SLC39A12: variants seen among roughly 807,000 people sequenced by gnomAD.
SLC39A12 encodes the protein zinc transporter ZIP12.
SLC39A12 carries 63 observed loss-of-function variants against 71.1 expected under a neutral mutation model. The ratio of observed to expected loss-of-function variants is 0.89; its 90% CI spans 0.72 to 1.09. The LOEUF (loss-of-function observed/expected upper bound fraction) is 1.09. Ranked by LOEUF, SLC39A12 falls within the 50% of genes least tolerant of loss-of-function variation. SLC39A12 has a pLI of 0.00. For missense variants in SLC39A12, 892 were observed against 812.6 expected, an observed-to-expected ratio of 1.10 and a Z score of -1.19; for synonymous variants, 351 against 301.3, an observed-to-expected ratio of 1.16 and a Z score of -1.71.
At chr10:17,980,399 A>G (rs1835222174) in intron 5 of SLC39A12, among the ~76,000 whole-genome samples, 1 of 152,196 alleles carries the variant, frequency 6.6e-6, no homozygotes, top group African/African-American at 2.4e-5. Context: ...GATTTTTAAA[A>G]CAATACCTTA....
chr10:17,995,517 A>G, intron 9 of SLC39A12, 139 bp from the exon 10 acceptor site: 3 of 697,544 alleles, frequency 4.3e-6, no homozygotes, highest in Non-Finnish European at 7.2e-6. Flanking sequence ...GTGTGTGTCT[A>G]TGAAACCTGA....
intron 2 of SLC39A12, among the ~76,000 whole-genome samples, chr10:17,954,331 G>A (rs183995304): frequency 6.6e-6 from 1 of 152,230 alleles, no homozygotes; most frequent in East Asian, 1.9e-4. Flanking sequence ...TTGGTTCACT[G>A]CAACCTCCAC....
chr10:18,038,282 C>T (rs531601488), intron 12 of SLC39A12, among the ~76,000 whole-genome samples: 87 of 152,098 alleles, frequency 5.7e-4, no homozygotes, highest in South Asian at 1.0e-3. Flanking sequence ...ATAAAAGATG[C>T]ATTCAATTCA....
chr10:17,952,109 T>G (rs1834415064), intron 1 of SLC39A12, 84 bp downstream of exon 1: 2 of 152,230 alleles, frequency 1.3e-5, no homozygotes. Flanking sequence ...GTTGTTGTTG[T>G]TTTTAACTCA....
chr10:17,990,312 A>G (rs1419200700), intron 7 of SLC39A12, among the ~76,000 whole-genome samples: 2 of 152,206 alleles, frequency 1.3e-5, no homozygotes, highest in African/African-American at 2.4e-5. Flanking sequence ...TCACATATAC[A>G]CACGTACATA....
chr10:18,023,922 C>A (rs769902468), intron 12 of SLC39A12, among the ~76,000 whole-genome samples: 1 of 152,148 alleles, frequency 6.6e-6, no homozygotes, highest in African/African-American at 2.4e-5. Flanking sequence ...GGAAGTCTGG[C>A]CACTTTTCCA....
chr10:18,010,949 A>C (rs570677892), intron 12 of SLC39A12, among the ~76,000 whole-genome samples: 1 of 152,284 alleles, frequency 6.6e-6, no homozygotes, highest in East Asian at 1.9e-4. Flanking sequence ...ACTTCTACTT[A>C]ACTAATAGTA....
Position 17,977,922 on chromosome 10 carries a change from A to G in SLC39A12, c.772A>G (p.Thr258Ala), listed in dbSNP as rs1433551879. The G allele has an allele frequency of 1.2e-6, 2 of 1,602,334 alleles. No individual in the cohort carries two copies. Among genetic ancestry groups the G allele is most frequent in the African/African-American group, 1.3e-5 (1 of 74,130 alleles). Residue 258 changes from threonine (T) to alanine (A), a missense_variant, in exon 5 of 13, where the codon ACT (threonine) becomes GCT (alanine). By Grantham distance (58) the Thr-to-Ala change is moderately conservative. Coordinates refer to ENST00000377369, the MANE Select transcript of SLC39A12 (RefSeq NM_001145195.2). ...RLSELDQLLN[T>A]LWTRSTCIKN... ...TCTAGAACTAGACCAACTCCTCAAC[A>G]CTCTCTGGACCAGAAGTACTTGTAT...
intron 4 of SLC39A12, among the ~76,000 whole-genome samples, chr10:17,976,475 T>C (rs1019278368): frequency 1.3e-5 from 2 of 152,224 alleles, no homozygotes; most frequent in Admixed American, 1.3e-4. Flanking sequence ...GGAAGTGCAG[T>C]GGCGCCATCT....
At chr10:17,952,308 A>AGT (rs10561356) in intron 1 of SLC39A12, among the ~76,000 whole-genome samples, 4,467 of 150,398 alleles carry the variant, frequency 0.03, 179 homozygotes, top group African/African-American at 0.093. Context: ...CCACTGAGTG[A>AGT]GTGTGTGTGT....
intron 11 of SLC39A12, chr10:18,002,922 C>A: frequency 2.6e-6 from 1 of 379,400 alleles, no homozygotes; most frequent in Non-Finnish European, 4.7e-6. Flanking sequence ...TGTCACAGAC[C>A]TCTCTGTAGA....
At chr10:18,018,544 G>T (rs895635598) in intron 12 of SLC39A12, among the ~76,000 whole-genome samples, 1 of 152,048 alleles carries the variant, frequency 6.6e-6, no homozygotes, top group Non-Finnish European at 1.5e-5. Flanking sequence ...TCAAGTTGAG[G>T]AAATTACCTT....
intron 12 of SLC39A12, among the ~76,000 whole-genome samples, chr10:18,023,023 C>T (rs1836576995): frequency 6.6e-6 from 1 of 152,152 alleles, no homozygotes; most frequent in Non-Finnish European, 1.5e-5. Flanking sequence ...TGCATCCATG[C>T]CCCTTCTCAG....
intron 2 of SLC39A12, among the ~76,000 whole-genome samples, chr10:17,957,236 C>T (rs1476093542): frequency 6.6e-6 from 1 of 152,126 alleles, no homozygotes; most frequent in African/African-American, 2.4e-5. Flanking sequence ...GAGGCTCTCA[C>T]CTGGCATAGA....
intron 12 of SLC39A12, among the ~76,000 whole-genome samples, chr10:18,017,382 C>G (rs1205528098): frequency 6.6e-6 from 1 of 152,176 alleles, no homozygotes; most frequent in Non-Finnish European, 1.5e-5. Flanking sequence ...GATCTTGGCT[C>G]ACTGCAACCT....
chr10:18,006,279 G>A (rs1222732418), intron 12 of SLC39A12, among the ~76,000 whole-genome samples: 2 of 152,194 alleles, frequency 1.3e-5, no homozygotes, highest in African/African-American at 4.8e-5. Context: ...TTAGCAATGA[G>A]GTCAGCAAAG....
chr10:17,960,270 C>T (rs1202766921), intron 2 of SLC39A12, among the ~76,000 whole-genome samples: 1 of 152,176 alleles, frequency 6.6e-6, no homozygotes, highest in Non-Finnish European at 1.5e-5. Flanking sequence ...AGAATGTTCT[C>T]CTCTTCCTGA....
chr10:18,015,154 G>T (rs944353599), intron 12 of SLC39A12, among the ~76,000 whole-genome samples: 2 of 152,116 alleles, frequency 1.3e-5, no homozygotes, highest in Admixed American at 1.3e-4. Context: ...ATGGATAAAG[G>T]ATTTTACAGA....
In SLC39A12 at chr10:17,981,381, G is replaced by A. The variant is rs62618669; in HGVS notation, c.994G>A (p.Asp332Asn). The A allele has an allele frequency of 2.5e-3, 4,082 of 1,613,692 alleles. 97 individuals carry two copies. The African/African-American group carries it at 0.047, about 19-fold the overall frequency. ...QKGLSLISKEDFKQMSPGIIQ... is the reference protein window; with the variant it reads ...QKGLSLISKENFKQMSPGIIQ... ...GGGCCTCTCACTCATTTCTAAGGAG[G>A]ACTTTAAGCAAATGAGTCCAGGGAT... The change falls in exon 6 of 13, where the codon GAC becomes AAC. Residue 332 changes from aspartate to asparagine, a missense_variant. By Grantham distance (23) the Asp-to-Asn change is conservative. Coordinates refer to ENST00000377369, the MANE Select transcript of SLC39A12 (RefSeq NM_001145195.2).
Sources: gnomAD v4.1 joint callset for allele counts (sites outside exome capture counted in the v4.1 genomes callset) on GRCh38, gnomAD v4.1.1 for gene constraint, MANE v1.5 for transcripts, NCBI Gene and HGNC (gene_info 2026-07-23, HGNC 2026-07-21) for gene names.